The following MID1 variants were observed in gnomAD, a reference collection of about 807,000 sequenced individuals.
MID1 encodes midline 1.
A neutral mutation model predicts 40.4 loss-of-function variants in MID1; 7 were observed. The observed-to-expected ratio is 0.17, with a 90% CI of 0.10 to 0.33. MID1 has a LOEUF of 0.33. Ranked by LOEUF, MID1 falls within the 10% of genes least tolerant of loss-of-function variation. The pLI, the probability that MID1 is intolerant of heterozygous loss-of-function variation, is 1.00. For synonymous variants in MID1, 229 were observed against 221.2 expected, an observed-to-expected ratio of 1.04 and a Z score of -0.31; for missense variants, 367 against 558.5, an observed-to-expected ratio of 0.66 and a Z score of 3.46.
intron 1 of MID1, among the ~76,000 whole-genome samples, chrX:10,763,616 C>T (rs2043698601): frequency 9.0e-6 from 1 of 111,511 alleles, no homozygotes; most frequent in Admixed American, 9.5e-5. Flanking sequence ...AATAGTGCCG[C>T]AATAAACATA....
intron 2 of MID1, among the ~76,000 whole-genome samples, chrX:10,545,398 T>C (rs1190024761): frequency 8.9e-6 from 1 of 112,308 alleles, no homozygotes; most frequent in African/African-American, 3.2e-5. Flanking sequence ...TTTCTTTCGT[T>C]AAGTGTGGGA....
At chrX:10,704,836 C>T in intron 1 of MID1, among the ~76,000 whole-genome samples, 1 of 106,359 alleles carries the variant, frequency 9.4e-6, no homozygotes, top group Middle Eastern at 4.8e-3. Context: ...GCGATCTAGG[C>T]TCACTCCAAC....
At chrX:10,565,566 A>G in intron 2 of MID1, 1 of 323,979 alleles carries the variant, frequency 3.1e-6, no homozygotes, top group Non-Finnish European at 6.0e-6. Flanking sequence ...ACAACATGGT[A>G]TGTGTTTTTC....
At chrX:10,627,608 A>G (rs1263862348) in intron 1 of MID1, among the ~76,000 whole-genome samples, 3 of 111,815 alleles carry the variant, frequency 2.7e-5, no homozygotes, top group Non-Finnish European at 3.8e-5. Flanking sequence ...ACTGTCCTTC[A>G]TATTTAACCA....
At chrX:10,676,861 G>C (rs753149040) in intron 1 of MID1, among the ~76,000 whole-genome samples, 1 of 111,404 alleles carries the variant, frequency 9.0e-6, no homozygotes, top group Non-Finnish European at 1.9e-5. Context: ...GCGAGGCACG[G>C]AGGTGTGCAT....
intron 1 of MID1, among the ~76,000 whole-genome samples, chrX:10,728,545 T>C (rs777102017): frequency 3.6e-5 from 4 of 112,267 alleles, no homozygotes; most frequent in Non-Finnish European, 5.6e-5. Flanking sequence ...GCTACTTTTT[T>C]AAAACTACTA....
intron 1 of MID1, among the ~76,000 whole-genome samples, chrX:10,803,352 C>CT (rs757624510): frequency 0.011 from 963 of 90,600 alleles, 15 homozygotes; most frequent in African/African-American, 0.029. Flanking sequence ...ACTATATTTT[C>CT]TTTTTTTTTT....
At chrX:10,629,032 A>C (rs751971189) in intron 1 of MID1, among the ~76,000 whole-genome samples, 3 of 111,153 alleles carry the variant, frequency 2.7e-5, no homozygotes, top group Non-Finnish European at 5.7e-5. Context: ...CCCATGACTC[A>C]TCACAAACAC....
At chrX:10,765,937 GGAAAGGAAAGAAAGAAAGAAAGAAA>G (rs1455538560) in intron 1 of MID1, among the ~76,000 whole-genome samples, 44 of 72,203 alleles carry the variant, frequency 6.1e-4, no homozygotes, top group East Asian at 2.3e-3. Flanking sequence ...GGAAAGGAAA[GGAAAGGAAAGAAAGAAAGAAAGAAA>G]GAAAGAAAGA....
chrX:10,713,956 A>T (rs1170507301), intron 1 of MID1, among the ~76,000 whole-genome samples: 2 of 111,927 alleles, frequency 1.8e-5, no homozygotes, highest in South Asian at 7.6e-4. Context: ...TCAAGCTTTG[A>T]AGAAATATCA....
chrX:10,811,204 A>C (rs999451916), intron 1 of MID1, among the ~76,000 whole-genome samples: 1 of 112,008 alleles, frequency 8.9e-6, no homozygotes, highest in African/African-American at 3.2e-5. Flanking sequence ...TCATTCAGAC[A>C]CCTTCTGTAT....
At chrX:10,500,594 T>C (rs1448941704) in intron 3 of MID1, among the ~76,000 whole-genome samples, 2 of 112,621 alleles carry the variant, frequency 1.8e-5, no homozygotes, top group African/African-American at 6.4e-5. Flanking sequence ...ATGTGTCACT[T>C]AAACAAAGAA....
chrX:10,614,827 T>C (rs1935812595), intron 1 of MID1, among the ~76,000 whole-genome samples: 1 of 112,265 alleles, frequency 8.9e-6, no homozygotes, highest in African/African-American at 3.2e-5. Context: ...CTCCTTCTGT[T>C]TCCATCCTGT....
At chrX:10,527,522 T>C (rs1470833027) in intron 2 of MID1, among the ~76,000 whole-genome samples, 5 of 111,981 alleles carry the variant, frequency 4.5e-5, no homozygotes, top group African/African-American at 1.6e-4. Context: ...TTGGACACAG[T>C]TCCAGACACT....
upstream of MID1, among the ~76,000 whole-genome samples, chrX:10,621,169 C>G (rs1354427526): frequency 4.5e-5 from 5 of 111,416 alleles, no homozygotes; most frequent in Admixed American, 2.8e-4. Flanking sequence ...GGCATAATTT[C>G]AAATAACACT....
intron 1 of MID1, among the ~76,000 whole-genome samples, chrX:10,797,892 G>A (rs1024874420): frequency 9.0e-6 from 1 of 111,687 alleles, no homozygotes; most frequent in African/African-American, 3.3e-5. Context: ...TTCTTCTCCA[G>A]ACTTTGCCCA....
chrX:10,646,146 A>C (rs1936259069), intron 1 of MID1, among the ~76,000 whole-genome samples: 1 of 112,201 alleles, frequency 8.9e-6, no homozygotes, highest in Admixed American at 9.4e-5. Flanking sequence ...CCTTGCTTCA[A>C]GATCTGCTGT....
At chrX:10,496,326 C>T (rs1931250615) in intron 3 of MID1, among the ~76,000 whole-genome samples, 1 of 112,364 alleles carries the variant, frequency 8.9e-6, no homozygotes, top group South Asian at 3.7e-4. Flanking sequence ...ACAACGAAAG[C>T]ATAACATTCA....
At chrX:10,618,263 G>A (rs1452482062) in intron 1 of MID1, among the ~76,000 whole-genome samples, 2 of 112,011 alleles carry the variant, frequency 1.8e-5, no homozygotes, top group East Asian at 2.8e-4. Flanking sequence ...TGGAGCTGCC[G>A]GGCTGAGATG....
Sources: gnomAD v4.1 joint callset for allele counts (sites outside exome capture counted in the v4.1 genomes callset) on GRCh38, gnomAD v4.1.1 for gene constraint, MANE v1.5 for transcripts, NCBI Gene and HGNC (gene_info 2026-07-23, HGNC 2026-07-21) for gene names.